PRELID2: variants seen among roughly 807,000 people sequenced by gnomAD.
The protein encoded by PRELID2 is PRELI domain containing 2, also known as PRELI domain-containing protein 2.
A neutral mutation model predicts 28.4 loss-of-function variants in PRELID2; 25 were observed. The observed-to-expected ratio is 0.88, with a 90% confidence interval of 0.64 to 1.23. PRELID2 has a LOEUF of 1.23. Ranked by LOEUF, PRELID2 falls within the 50% of genes most tolerant of loss-of-function variation. PRELID2 has a pLI of 0.00. For missense variants in PRELID2, 201 were observed against 214.4 expected (o/e 0.94, Z 0.39); for synonymous variants, 76 against 71.6 (o/e 1.06, Z -0.31).
chr5:145,438,695 C>A, the PRELID2 span, among the ~76,000 whole-genome samples: 1 of 152,090 alleles, frequency 6.6e-6, no homozygotes, highest in African/African-American at 2.4e-5. Context: ...CAGGTTCTAC[C>A]TATAATTTAC....
chr5:145,609,590 A>G (rs150976429), intron 1 of PRELID2, among the ~76,000 whole-genome samples: 3 of 152,344 alleles, frequency 2.0e-5, no homozygotes, highest in Admixed American at 6.5e-5. Context: ...GAGTTTAGGC[A>G]TAAGTGGGAC....
chr5:145,389,701 G>GA, the PRELID2 span, among the ~76,000 whole-genome samples: 1 of 151,750 alleles, frequency 6.6e-6, no homozygotes, highest in Non-Finnish European at 1.5e-5. Flanking sequence ...AATTTGGAAG[G>GA]AAAAAAAGAG....
intron 1 of PRELID2, among the ~76,000 whole-genome samples, chr5:145,586,863 G>A (rs1197131206): frequency 6.6e-6 from 1 of 152,126 alleles, no homozygotes; most frequent in African/African-American, 2.4e-5. Flanking sequence ...TTATAACTAT[G>A]ACCTTTAGAC....
At position 145,826,007 on chromosome 5, in the gene PRELID2, C is replaced by G. The variant is rs1271769565; in HGVS notation, c.76-2873G>C. ...TACCAGGAACACTTACCTGGGAAGA[C>G]AGGAGGCAGATGGCCAGGTTTTTCT... On this transcript the variant is annotated intron_variant, in intron 1 of 6. Coordinates refer to ENST00000683046, the MANE Select transcript of PRELID2 (RefSeq NM_205846.3). 4.1e-6 allele frequency: 4 copies of G among 985,024 alleles called. No homozygotes were observed. In the East Asian group the frequency reaches 3.4e-4, roughly 84 times the overall value. 61.0% of individuals were successfully genotyped at this position (985,024 alleles called of 1,614,324 possible).
At chr5:145,498,970 T>TA (rs925561933) in intron 1 of PRELID2, among the ~76,000 whole-genome samples, 56 of 151,986 alleles carry the variant, frequency 3.7e-4, no homozygotes, top group African/African-American at 9.4e-4. Flanking sequence ...ACTACTGAGT[T>TA]AAAAAAAAGA....
At chr5:145,553,903 G>A (rs1490903829) in intron 1 of PRELID2, among the ~76,000 whole-genome samples, 1 of 152,190 alleles carries the variant, frequency 6.6e-6, no homozygotes, top group Non-Finnish European at 1.5e-5. Flanking sequence ...ACAGTGATAG[G>A]AGAGGTGGAG....
chr5:145,606,631 G>T (rs942066337), intron 1 of PRELID2, among the ~76,000 whole-genome samples: 7 of 152,116 alleles, frequency 4.6e-5, no homozygotes, highest in Non-Finnish European at 8.8e-5. Context: ...GATCATGGTG[G>T]ATTAAGTTTT....
At chr5:145,417,817 T>C in the PRELID2 span, among the ~76,000 whole-genome samples, 1 of 152,196 alleles carries the variant, frequency 6.6e-6, no homozygotes, top group African/African-American at 2.4e-5. Flanking sequence ...GCTGGAGGCA[T>C]TCCTCTTGAA....
chr5:145,799,946 G>A (rs1753018659), intron 4 of PRELID2, among the ~76,000 whole-genome samples: 1 of 152,078 alleles, frequency 6.6e-6, no homozygotes, highest in Non-Finnish European at 1.5e-5. Flanking sequence ...TGAGTTCAAT[G>A]AGCATTTGTT....
rs372276315 is a variant in PRELID2 at position 145,610,109 on chromosome 5, G to A, written n.71-136794C>T. The stretch of plus-strand genomic sequence containing the variant: ...TAGAAGTGCAGTGATAGGGTGCAGC[G>A]GGCCCAAGGAAATTCTCTCATTCAC... On this transcript the variant is annotated intron_variant and non_coding_transcript_variant, in intron 1 of 2. Coordinates refer to the PRELID2 transcript ENST00000510259. Among the ~76,000 whole-genome samples the A allele has an allele frequency of 1.3e-4, 20 of 152,242 alleles. No individual in the cohort carries two copies. In the East Asian group the frequency reaches 1.5e-3, roughly 12 times the overall value.
chr5:145,643,423 C>G (rs561177338), intron 1 of PRELID2, among the ~76,000 whole-genome samples: 6 of 152,068 alleles, frequency 3.9e-5, no homozygotes, highest in Non-Finnish European at 7.4e-5. Context: ...CTGAGAAGAT[C>G]GGGTTTTCTA....
At chr5:145,416,314 C>G in the PRELID2 span, among the ~76,000 whole-genome samples, 1 of 152,076 alleles carries the variant, frequency 6.6e-6, no homozygotes, top group Non-Finnish European at 1.5e-5. Context: ...CATAAAAACC[C>G]TAGAAGAAAA....
chr5:145,488,580 A>G (rs531727588), intron 1 of PRELID2, among the ~76,000 whole-genome samples: 11 of 152,336 alleles, frequency 7.2e-5, no homozygotes, highest in Admixed American at 5.9e-4. Context: ...ATTATTCATA[A>G]AAATCAAATA....
At chr5:145,529,040 G>A (rs540705878) in intron 1 of PRELID2, among the ~76,000 whole-genome samples, 1 of 152,122 alleles carries the variant, frequency 6.6e-6, no homozygotes, top group East Asian at 1.9e-4. Context: ...TAGCAGTAAG[G>A]TCCCACAGTT....
intron 1 of PRELID2, among the ~76,000 whole-genome samples, chr5:145,576,019 C>T (rs1753057670): frequency 6.6e-6 from 1 of 152,186 alleles, no homozygotes; most frequent in South Asian, 2.1e-4. Flanking sequence ...CTAGACATCA[C>T]TTCTTCAGGG....
chr5:145,779,968 C>G (rs1399866509), intron 5 of PRELID2, among the ~76,000 whole-genome samples: 1 of 152,110 alleles, frequency 6.6e-6, no homozygotes, highest in Non-Finnish European at 1.5e-5. Flanking sequence ...CTAGCTTGAG[C>G]CCAGGAGTTC....
At chr5:145,670,630 C>T (rs4490633) in intron 1 of PRELID2, among the ~76,000 whole-genome samples, 1 of 152,172 alleles carries the variant, frequency 6.6e-6, no homozygotes, top group Non-Finnish European at 1.5e-5. Flanking sequence ...AGCCTCTTCA[C>T]TACTGTAATT....
the PRELID2 span, among the ~76,000 whole-genome samples, chr5:145,377,204 A>C: frequency 6.6e-6 from 1 of 152,142 alleles, no homozygotes; most frequent in Non-Finnish European, 1.5e-5. Context: ...AGTTTTAAGT[A>C]AATTTATTAC....
the PRELID2 span, among the ~76,000 whole-genome samples, chr5:145,450,344 A>G: frequency 2.0e-5 from 3 of 152,154 alleles, no homozygotes; most frequent in Non-Finnish European, 2.9e-5. Flanking sequence ...ACCCAACTAA[A>G]TACAATTTTT....
Sources: gnomAD v4.1 joint callset for allele counts (sites outside exome capture counted in the v4.1 genomes callset) on GRCh38, gnomAD v4.1.1 for gene constraint, MANE v1.5 for transcripts, NCBI Gene and HGNC (gene_info 2026-07-23, HGNC 2026-07-21) for gene names.